The following ADRA1B variants were observed in gnomAD, a reference collection of about 807,000 sequenced individuals.
The protein encoded by ADRA1B is adrenoceptor alpha 1B, also known as alpha-1B adrenergic receptor.
Under a neutral mutation model 17.9 loss-of-function variants are expected in ADRA1B, and 17 were observed. That is an observed-to-expected ratio of 0.95 (90% confidence interval 0.65 to 1.42). The LOEUF (loss-of-function observed/expected upper bound fraction) is 1.42, where lower values mean the gene tolerates loss of function less well. Ranked by LOEUF, ADRA1B falls within the 40% of genes most tolerant of loss-of-function variation. The probability of loss-of-function intolerance (pLI) is 0.00; values close to 1 mark genes in which losing one functional copy is unlikely to be tolerated. For synonymous variants in ADRA1B, 366 were observed against 327.6 expected (o/e 1.12, Z -1.27); for missense variants, 681 against 722.1 (o/e 0.94, Z 0.65).
the ADRA1B span, among the ~76,000 whole-genome samples, chr5:159,987,931 CT>C: frequency 6.6e-6 from 1 of 152,272 alleles, no homozygotes; most frequent in African/African-American, 2.4e-5. Context: ...AATGCCCCCC[CT>C]CGGCCGGCCG....
intron 1 of ADRA1B, among the ~76,000 whole-genome samples, chr5:159,964,450 G>T (rs186934147): frequency 6.6e-6 from 1 of 152,282 alleles, no homozygotes; most frequent in East Asian, 1.9e-4. Flanking sequence ...AGTAAATGAT[G>T]CAAGTTTTAA....
the ADRA1B span, among the ~76,000 whole-genome samples, chr5:159,986,719 G>T: frequency 1.3e-5 from 2 of 152,178 alleles, no homozygotes; most frequent in Admixed American, 1.3e-4. Context: ...GAGAAGCATT[G>T]CACAGATGGT....
intron 1 of ADRA1B, among the ~76,000 whole-genome samples, chr5:159,961,892 C>T (rs558656728): frequency 6.6e-6 from 1 of 152,338 alleles, no homozygotes; most frequent in Non-Finnish European, 1.5e-5. Context: ...AGTCTCTGAG[C>T]CTGCTCATTG....
intron 1 of ADRA1B, among the ~76,000 whole-genome samples, chr5:159,971,663 C>T (rs923860721): frequency 2.6e-5 from 4 of 152,076 alleles, no homozygotes; most frequent in Admixed American, 6.6e-5. Context: ...TGGACAAAGG[C>T]GAAGTTATTG....
intron 1 of ADRA1B, among the ~76,000 whole-genome samples, chr5:159,875,943 C>G (rs1482224153): frequency 6.6e-6 from 1 of 152,216 alleles, no homozygotes; most frequent in Non-Finnish European, 1.5e-5. Context: ...AATCCCAACA[C>G]TTTGGGAGGC....
chr5:159,946,321 A>T (rs904740326), intron 1 of ADRA1B, among the ~76,000 whole-genome samples: 11 of 152,240 alleles, frequency 7.2e-5, no homozygotes, highest in Admixed American at 5.2e-4. Context: ...TGTGACACTT[A>T]TTTCTCTTTA....
intron 1 of ADRA1B, among the ~76,000 whole-genome samples, chr5:159,865,451 G>T (rs1018464121): frequency 1.3e-5 from 2 of 152,146 alleles, no homozygotes; most frequent in African/African-American, 4.8e-5. Flanking sequence ...GAAAAGAAAA[G>T]CGTAACTCGC....
chr5:159,903,144 C>T lies in ADRA1B; in HGVS notation c.-255-12975C>T, dbSNP rs151057544. On this transcript the variant is annotated intron_variant, in intron 1 of 2. Transcript: ENST00000641205. ...GACCTTACCATTCTCTAGTTTGGAA[C>T]CAGCATCCTGTCCCTCTAGAGGACC... Among the ~76,000 whole-genome samples the T allele has an allele frequency of 3.3e-3, 508 of 152,296 alleles. 3 individuals carry two copies. The highest frequency in any genetic ancestry group is 0.012 in the African/African-American group (479 of 41,538).
At chr5:159,976,237 A>G (rs914896781), downstream of ADRA1B, among the ~76,000 whole-genome samples, 5 of 152,194 alleles carry the variant, frequency 3.3e-5, no homozygotes, top group Non-Finnish European at 7.3e-5. Context: ...ATTTACTTGG[A>G]TGTATGAAAT....
At chr5:159,946,037 G>A (rs183387448) in intron 1 of ADRA1B, among the ~76,000 whole-genome samples, 33 of 152,272 alleles carry the variant, frequency 2.2e-4, no homozygotes, top group East Asian at 5.8e-4. Context: ...GTGAGCCACC[G>A]CGCCCAGCCC....
intron 1 of ADRA1B, among the ~76,000 whole-genome samples, chr5:159,891,268 A>G (rs1477089410): frequency 1.3e-5 from 2 of 152,250 alleles, no homozygotes; most frequent in Non-Finnish European, 2.9e-5. Flanking sequence ...TATTAAATCA[A>G]TAAACTCCAA....
At chr5:159,921,893 T>C (rs1457068965) in intron 1 of ADRA1B, among the ~76,000 whole-genome samples, 1 of 152,200 alleles carries the variant, frequency 6.6e-6, no homozygotes, top group African/African-American at 2.4e-5. Context: ...CACATTAATC[T>C]TCCAGCTCTG....
At chr5:159,981,930 T>G in the ADRA1B span, among the ~76,000 whole-genome samples, 1 of 152,248 alleles carries the variant, frequency 6.6e-6, no homozygotes, top group Admixed American at 6.5e-5. Flanking sequence ...CTCCTGTCAT[T>G]AAGAGGTGAA....
intron 1 of ADRA1B, among the ~76,000 whole-genome samples, chr5:159,893,928 G>T (rs774703921): frequency 6.6e-6 from 1 of 152,190 alleles, no homozygotes; most frequent in Non-Finnish European, 1.5e-5. Context: ...GATTGGAAAG[G>T]CCTCTCTGCA....
At position 159,939,248 on chromosome 5, in the gene ADRA1B, T is replaced by C. The variant is rs1459009845; in HGVS notation, c.949+21394T>C. Among the ~76,000 whole-genome samples the C allele has an allele frequency of 4.6e-5, 6 of 131,128 alleles. No homozygotes were observed. In the East Asian group the frequency reaches 1.4e-3, roughly 31 times the overall value. The allele number at this position is 131,128 out of a possible 152,430, so 86.0% of individuals were successfully genotyped here. On this transcript the variant is annotated intron_variant, in intron 1 of 1. Coordinates refer to ENST00000306675, the MANE Select transcript of ADRA1B (RefSeq NM_000679.4). ...CTGGATTCTCAGAGGCTCCTTTCTT[T>C]GAAGGAGAGAGAGAGAGAGAGAGAG... is the stretch of plus-strand genomic sequence containing the variant.
At chr5:159,909,820 A>G (rs1754209693) in intron 1 of ADRA1B, among the ~76,000 whole-genome samples, 1 of 152,232 alleles carries the variant, frequency 6.6e-6, no homozygotes, top group Admixed American at 6.5e-5. Flanking sequence ...ACAAAAATAA[A>G]AGCAACAAAA....
intron 1 of ADRA1B, among the ~76,000 whole-genome samples, chr5:159,937,330 C>G (rs1324393495): frequency 6.6e-6 from 1 of 152,216 alleles, no homozygotes; most frequent in Non-Finnish European, 1.5e-5. Flanking sequence ...GAGAAAAACA[C>G]AGCTTAGGGA....
Position 159,972,518 on chromosome 5 carries a change from C to A in ADRA1B, c.*26C>A. ...GGCCCCCGTGCGCAGCTTTCTTTCCCTGGGGAGGAAAACATCGTGGGGGGG... is the reference window on the plus strand; with the variant it reads ...GGCCCCCGTGCGCAGCTTTCTTTCCATGGGGAGGAAAACATCGTGGGGGGG... On this transcript the variant is annotated 3_prime_UTR_variant, in exon 2 of 2. Coordinates refer to ENST00000306675, the MANE Select transcript of ADRA1B (RefSeq NM_000679.4). 1 of 835,316 alleles carries A rather than the reference C, an allele frequency of 1.2e-6. No homozygotes were observed. Among genetic ancestry groups the A allele is most frequent in the South Asian group, 4.7e-5 (1 of 21,486 alleles). 51.7% of individuals were successfully genotyped at this position (835,316 alleles called of 1,614,324 possible).
At chr5:159,950,785 T>C in intron 1 of ADRA1B, 1 of 606,530 alleles carries the variant, frequency 1.6e-6, no homozygotes, top group Non-Finnish European at 3.1e-6. Flanking sequence ...GACTGACACG[T>C]TGGTGATGTG....
Sources: allele counts gnomAD v4.1 joint callset (sites outside exome capture counted in the v4.1 genomes callset), GRCh38; gene constraint gnomAD v4.1.1; transcripts MANE v1.5; gene names NCBI Gene and HGNC (gene_info 2026-07-23, HGNC 2026-07-21).